Variants in TRAM2 observed in about 807,000 individuals in gnomAD.
TRAM2 encodes translocation associated membrane protein 2.
TRAM2 carries 12 observed loss-of-function variants against 51.0 expected under a neutral mutation model. The ratio of observed to expected loss-of-function variants is 0.24; its 90% confidence interval spans 0.15 to 0.38. The LOEUF (loss-of-function observed/expected upper bound fraction) is 0.38, where lower values mean the gene tolerates loss of function less well. Ranked by LOEUF, TRAM2 falls within the 10% of genes least tolerant of loss-of-function variation. The pLI, the probability that TRAM2 is intolerant of heterozygous loss-of-function variation, is 1.00. For synonymous variants in TRAM2, 175 were observed against 179.4 expected (o/e 0.98, Z 0.20); for missense variants, 361 against 462.0 (o/e 0.78, Z 2.00).
chr6:52,575,613 G>A (rs1767750156), intron 1 of TRAM2, among the ~76,000 whole-genome samples: 2 of 152,170 alleles, frequency 1.3e-5, no homozygotes, highest in Non-Finnish European at 2.9e-5. Flanking sequence ...CTTGTCATTC[G>A]TAGAGATACA....
chr6:52,576,392 G>A (rs756464456), intron 1 of TRAM2, among the ~76,000 whole-genome samples: 1 of 152,216 alleles, frequency 6.6e-6, no homozygotes, highest in African/African-American at 2.4e-5. Flanking sequence ...GCCACCCCTT[G>A]GGGCAAGAGG....
chr6:52,507,741 C>T (rs1182837104), intron 6 of TRAM2, 118 bp from the exon 7 acceptor site: 9 of 907,760 alleles, frequency 9.9e-6, no homozygotes, highest in Admixed American at 2.1e-5. Context: ...CTTTAACACA[C>T]AGTCCCATGT....
At chr6:52,553,692 A>G (rs1213861633) in intron 1 of TRAM2, among the ~76,000 whole-genome samples, 1 of 152,162 alleles carries the variant, frequency 6.6e-6, no homozygotes, top group Non-Finnish European at 1.5e-5. Context: ...ATTCAGAAAG[A>G]CCTGTGTCAA....
intron 1 of TRAM2, among the ~76,000 whole-genome samples, chr6:52,568,608 T>C (rs533065680): frequency 6.6e-6 from 1 of 152,312 alleles, no homozygotes; most frequent in East Asian, 1.9e-4. Flanking sequence ...AGACTGCTCT[T>C]AACCTTCATG....
Position 52,516,053 on chromosome 6 carries a change from C to T in TRAM2, c.364G>A (p.Val122Ile), listed in dbSNP as rs144551889. The change falls in exon 4 of 11, where the codon GTC (valine) becomes ATC (isoleucine). Residue 122 changes from valine (V) to isoleucine (I), a missense_variant. Transcript: ENST00000182527. ...SKFNESGQLVVFHFTSVIWCF... is the reference protein window; with the variant it reads ...SKFNESGQLVIFHFTSVIWCF... ...CAAATCACCGAGGTGAAATGAAAGA[C>T]GACCAGCTGTCCAGATTCATTGAAC... 1.8e-5 allele frequency: 29 copies of T among 1,614,054 alleles called. No homozygotes were observed. The East Asian group carries it at 3.6e-4, about 20-fold the overall frequency.
chr6:52,575,010 G>C (rs564078107), intron 1 of TRAM2, among the ~76,000 whole-genome samples: 64 of 152,310 alleles, frequency 4.2e-4, no homozygotes, highest in African/African-American at 1.4e-3. Context: ...CTGGGGACAC[G>C]CACTTGGAGG....
intron 1 of TRAM2, among the ~76,000 whole-genome samples, chr6:52,572,115 A>C (rs1767689517): frequency 6.6e-6 from 1 of 152,212 alleles, no homozygotes; most frequent in South Asian, 2.1e-4. Flanking sequence ...TCTGTTGCTC[A>C]TATCATGGAG....
At chr6:52,526,152 GACACACACACACACACACACAC>G (rs775593303) in intron 2 of TRAM2, among the ~76,000 whole-genome samples, 23 of 28,874 alleles carry the variant, frequency 8.0e-4, no homozygotes, top group Non-Finnish European at 1.5e-3. Context: ...CACACAGACA[GACACACACACACACACACACAC>G]ACACACACAC....
chr6:52,514,683 A>G (rs2114068601), intron 4 of TRAM2, among the ~76,000 whole-genome samples: 2 of 152,316 alleles, frequency 1.3e-5, no homozygotes, highest in Middle Eastern at 6.8e-3. Context: ...TTGGGGGTGA[A>G]GTTGAAAGGG....
chr6:52,543,283 T>C (rs1767136908), intron 1 of TRAM2, among the ~76,000 whole-genome samples: 1 of 152,234 alleles, frequency 6.6e-6, no homozygotes, highest in African/African-American at 2.4e-5. Flanking sequence ...CTTATCTGGA[T>C]AGCATAGCAT....
chr6:52,561,187 A>G (rs1767493213), intron 1 of TRAM2, among the ~76,000 whole-genome samples: 1 of 152,222 alleles, frequency 6.6e-6, no homozygotes, highest in Non-Finnish European at 1.5e-5. Context: ...GCGAGTCCAG[A>G]GACACAAAGT....
At chr6:52,574,349 C>T (rs916820104) in intron 1 of TRAM2, among the ~76,000 whole-genome samples, 1 of 152,198 alleles carries the variant, frequency 6.6e-6, no homozygotes, top group African/African-American at 2.4e-5. Flanking sequence ...CCCCTCCCCA[C>T]CCCCAGGAAT....
chr6:52,536,941 A>G (rs1478826182), intron 1 of TRAM2, among the ~76,000 whole-genome samples: 1 of 152,190 alleles, frequency 6.6e-6, no homozygotes, highest in African/African-American at 2.4e-5. Flanking sequence ...AGGGTGGAGG[A>G]CAAACACACT....
At chr6:52,563,816 A>C (rs915907437) in intron 1 of TRAM2, among the ~76,000 whole-genome samples, 1 of 151,014 alleles carries the variant, frequency 6.6e-6, no homozygotes, top group African/African-American at 2.4e-5. Context: ...AGTCATGTGA[A>C]TGTATCACCT....
intron 1 of TRAM2, among the ~76,000 whole-genome samples, chr6:52,561,647 GGCTAATTTTTT>G (rs1396215878): frequency 2.6e-5 from 4 of 152,054 alleles, no homozygotes; most frequent in Non-Finnish European, 5.9e-5. Context: ...CACCACGCCC[GGCTAATTTTTT>G]TTTTTGTACT....
intron 1 of TRAM2, among the ~76,000 whole-genome samples, chr6:52,562,814 T>G (rs991339540): frequency 1.3e-5 from 2 of 152,178 alleles, no homozygotes; most frequent in African/African-American, 2.4e-5. Flanking sequence ...TGTTTGGTTT[T>G]GTGATGCTGA....
chr6:52,526,597 C>T (rs569718423), intron 2 of TRAM2, among the ~76,000 whole-genome samples: 1 of 152,276 alleles, frequency 6.6e-6, no homozygotes, highest in South Asian at 2.1e-4. Context: ...CCATGTTGGC[C>T]AGGCTGGTCT....
At chr6:52,576,715 C>G in intron 1 of TRAM2, 81 bp downstream of exon 1, 1 of 1,531,252 alleles carries the variant, frequency 6.5e-7, no homozygotes, top group Non-Finnish European at 8.8e-7. Context: ...CAGAGGAGGG[C>G]CCGCTGACCT....
intron 1 of TRAM2, among the ~76,000 whole-genome samples, chr6:52,538,533 G>A (rs745513320): frequency 9.9e-5 from 15 of 152,170 alleles, no homozygotes; most frequent in Non-Finnish European, 1.9e-4. Context: ...CCTTCAGTTG[G>A]CCAGGGTCCA....
Sources: gnomAD v4.1 joint callset for allele counts (sites outside exome capture counted in the v4.1 genomes callset) on GRCh38, gnomAD v4.1.1 for gene constraint, MANE v1.5 for transcripts, NCBI Gene and HGNC (gene_info 2026-07-23, HGNC 2026-07-21) for gene names.